Variants in ITGA8 observed in about 807,000 individuals in gnomAD.
ITGA8 encodes the protein integrin subunit alpha 8.
In ITGA8, 91 loss-of-function variants were observed where a neutral mutation model predicts 142.3. The observed-to-expected ratio is 0.64, with a 90% CI of 0.54 to 0.76. ITGA8 has a LOEUF of 0.76. Among genes scored for constraint, ITGA8 ranks in the 30% least tolerant of loss-of-function variants. The pLI, the probability that ITGA8 is intolerant of heterozygous loss-of-function variation, is 0.00. For missense variants in ITGA8, 1,406 were observed against 1,327.7 expected (o/e 1.06, Z -0.92); for synonymous variants, 505 against 485.2 (o/e 1.04, Z -0.54).
chr10:15,656,434 G>A (rs576941521), intron 10 of ITGA8, among the ~76,000 whole-genome samples: 5 of 152,000 alleles, frequency 3.3e-5, no homozygotes, highest in African/African-American at 1.2e-4. Context: ...TGTGATCTTG[G>A]CTCACTGCAA....
chr10:15,618,712 C>A (rs1354575617), intron 13 of ITGA8, among the ~76,000 whole-genome samples: 2 of 152,186 alleles, frequency 1.3e-5, no homozygotes, highest in Admixed American at 1.3e-4. Context: ...TGGACTCCAT[C>A]TTTCTCCCAT....
chr10:15,676,433 C>T (rs923691747), intron 6 of ITGA8, among the ~76,000 whole-genome samples: 2 of 152,156 alleles, frequency 1.3e-5, no homozygotes, highest in African/African-American at 2.4e-5. Context: ...CACCTGTCCA[C>T]AGCCACCCAG....
Position 15,639,751 on chromosome 10 carries a change from T to C in ITGA8, c.1399+4279A>G, listed in dbSNP as rs115221572. Among the ~76,000 whole-genome samples the C allele has an allele frequency of 5.0e-3, 763 of 152,332 alleles. 6 individuals are homozygous for C. Among genetic ancestry groups the C allele is most frequent in the African/African-American group, 0.017 (722 of 41,578 alleles). ...CCAGGGTCACTTAAACATGTCACTA[T>C]AGTCTGTGCTCCAGCCCAGAGTGGC... On this transcript the variant is annotated intron_variant, in intron 13 of 29. Transcript: ENST00000378076.
At position 15,605,851 on chromosome 10, in the gene ITGA8, C is replaced by T. The variant is rs1476881536; in HGVS notation, c.1903-60G>A. ...GGAAAATCTGATTCACATCCTTTTTCTTGAAAATTCTGAATGGTGCCACAA... is the reference window on the plus strand; with the variant it reads ...GGAAAATCTGATTCACATCCTTTTTTTTGAAAATTCTGAATGGTGCCACAA... On this transcript the variant is annotated intron_variant, in intron 18 of 29. Transcript: ENST00000378076. 6.1e-6 allele frequency: 9 copies of T among 1,485,064 alleles called. No individual in the cohort carries two copies. The East Asian group carries it at 1.8e-4, about 30-fold the overall frequency. The allele number at this position is 1,485,064 out of a possible 1,614,324, so 92.0% of individuals were successfully genotyped here. A position where few individuals can be genotyped will look rare whatever the true frequency, so the allele number is the denominator to read the frequency against.
chr10:15,556,636 C>T (rs1184793443), intron 26 of ITGA8, among the ~76,000 whole-genome samples: 1 of 152,110 alleles, frequency 6.6e-6, no homozygotes, highest in Non-Finnish European at 1.5e-5. Context: ...TATGGGCATA[C>T]AATGTGTAAT....
chr10:15,558,062 G>A lies in ITGA8; in HGVS notation c.2766+12C>T. The A allele has an allele frequency of 6.2e-7, 1 of 1,613,618 alleles. No homozygotes were observed. Among genetic ancestry groups the A allele is most frequent in the South Asian group, 1.1e-5 (1 of 91,056 alleles). Reference sequence around the variant, plus strand: ...CATTTCCCTCAGTTCTATGCACACTGGGATAACTCACCAGTATTTTTGCAG... The same window carrying A: ...CATTTCCCTCAGTTCTATGCACACTAGGATAACTCACCAGTATTTTTGCAG... On this transcript the variant is annotated intron_variant, in intron 26 of 29. Transcript: ENST00000378076.
At chr10:15,625,088 A>G (rs1373402625) in intron 13 of ITGA8, among the ~76,000 whole-genome samples, 2 of 152,218 alleles carry the variant, frequency 1.3e-5, no homozygotes, top group Admixed American at 1.3e-4. Flanking sequence ...TGTTTGAAAA[A>G]AAAAAAGCAT....
chr10:15,688,088 A>G (rs756288514), intron 2 of ITGA8, 50 bp from the exon 3 acceptor site: 1 of 1,119,044 alleles, frequency 8.9e-7, no homozygotes, highest in South Asian at 1.2e-5. Flanking sequence ...GTGGCAGCCA[A>G]TTAAAACACA....
At chr10:15,712,502 G>T (rs1277386298) in intron 2 of ITGA8, among the ~76,000 whole-genome samples, 1 of 152,210 alleles carries the variant, frequency 6.6e-6, no homozygotes, top group South Asian at 2.1e-4. Context: ...TTGGGAGGCT[G>T]AGGCAGGAGA....
intron 2 of ITGA8, among the ~76,000 whole-genome samples, chr10:15,701,486 TC>T (rs993454038): frequency 7.9e-5 from 12 of 151,736 alleles, no homozygotes; most frequent in African/African-American, 2.9e-4. Flanking sequence ...AGCTTTTGGT[TC>T]TTTTTTTTTT....
In ITGA8 at chr10:15,607,805, A is replaced by T; in HGVS notation, c.1636T>A (p.Ser546Thr). Reference protein sequence around the residue: ...IVLMAEVQLDSLKQKGAIKRT... With the variant: ...IVLMAEVQLDTLKQKGAIKRT... ...TTAATAGCTCCTTTCTGTTTCAGGG[A>T]ATCTAATTGCACCTCTGCCATCAAG... The change falls in exon 17 of 30, where the codon TCC becomes ACC. Residue 546 changes from serine (S) to threonine (T), a missense_variant. Coordinates refer to ENST00000378076, the MANE Select transcript of ITGA8 (RefSeq NM_003638.3). 3 of 1,610,984 alleles carry T rather than the reference A, an allele frequency of 1.9e-6. No homozygotes were observed. The highest frequency in any genetic ancestry group is 2.5e-6 in the Non-Finnish European group (3 of 1,178,652).
chr10:15,606,226 G>A (rs1238453127), intron 18 of ITGA8, 59 bp downstream of exon 18: 6 of 1,476,618 alleles, frequency 4.1e-6, no homozygotes, highest in Non-Finnish European at 4.6e-6. Flanking sequence ...AAAGCCATGA[G>A]AACAACACCC....
chr10:15,715,417 A>C (rs1173039349), intron 2 of ITGA8, among the ~76,000 whole-genome samples: 1 of 152,192 alleles, frequency 6.6e-6, no homozygotes, highest in Non-Finnish European at 1.5e-5. Context: ...CTGAACTTGC[A>C]GTCTATCAGG....
intron 13 of ITGA8, among the ~76,000 whole-genome samples, chr10:15,627,823 G>C (rs929249084): frequency 6.6e-5 from 10 of 151,994 alleles, no homozygotes; most frequent in Non-Finnish European, 1.5e-4. Context: ...AGATCCACTG[G>C]GCTGCATTCC....
At chr10:15,605,827 G>A in intron 18 of ITGA8, 36 bp from the exon 19 acceptor site, 1 of 1,586,700 alleles carries the variant, frequency 6.3e-7, no homozygotes, top group Admixed American at 1.7e-5. Flanking sequence ...AACAATCTAG[G>A]AAAATCTGAT....
intron 2 of ITGA8, among the ~76,000 whole-genome samples, chr10:15,696,060 A>C (rs913813109): frequency 2.0e-5 from 3 of 152,144 alleles, no homozygotes; most frequent in Non-Finnish European, 4.4e-5. Flanking sequence ...CTGTTTTCCT[A>C]ACCAAACCTG....
In ITGA8 at chr10:15,660,871, G is replaced by A; in HGVS notation, c.891+8C>T. The A allele has an allele frequency of 1.9e-6, 3 of 1,610,590 alleles. No homozygotes were observed. In the South Asian group the frequency reaches 3.3e-5, roughly 18 times the overall value. ...ACCCTATTCCTGTAATGCATTCTCA[G>A]TACTCACATATCCAAAATTCTGTGC... is the stretch of plus-strand genomic sequence containing the variant. On this transcript the variant is annotated splice_region_variant and intron_variant, in intron 9 of 29. Coordinates refer to ENST00000378076, the MANE Select transcript of ITGA8 (RefSeq NM_003638.3).
chr10:15,559,191 C>A (rs1435800692), intron 25 of ITGA8, among the ~76,000 whole-genome samples: 1 of 152,250 alleles, frequency 6.6e-6, no homozygotes, highest in Admixed American at 6.5e-5. Context: ...CCTAGCATGG[C>A]ACACACAGGT....
At chr10:15,596,919 T>C (rs1588665576) in intron 21 of ITGA8, 2 of 318,608 alleles carry the variant, frequency 6.3e-6, no homozygotes, top group East Asian at 1.1e-4. Context: ...AAAGAAAATA[T>C]CTATAGTAAA....
Sources: allele counts gnomAD v4.1 joint callset (sites outside exome capture counted in the v4.1 genomes callset), GRCh38; gene constraint gnomAD v4.1.1; transcripts MANE v1.5; gene names NCBI Gene and HGNC (gene_info 2026-07-23, HGNC 2026-07-21).